The following DPF3 variants were observed in gnomAD, a reference collection of about 807,000 sequenced individuals.
DPF3 encodes zinc finger protein DPF3.
In DPF3, 18 loss-of-function variants were observed where a neutral mutation model predicts 56.8. The observed-to-expected ratio is 0.32, with a 90% CI of 0.22 to 0.47. DPF3 has a LOEUF of 0.47. DPF3 is among the 20% of genes least tolerant of loss of function. DPF3 has a pLI of 1.00. For synonymous variants in DPF3, 188 were observed against 180.2 expected (o/e 1.04, Z -0.35); for missense variants, 403 against 488.8 (o/e 0.82, Z 1.65).
intron 1 of DPF3, chr14:72,879,674 C>T (rs975767638): frequency 8.7e-5 from 104 of 1,194,350 alleles, no homozygotes; most frequent in Non-Finnish European, 1.1e-4. Context: ...ACCGCCTGCC[C>T]AGAGGAGCCA....
intron 1 of DPF3, among the ~76,000 whole-genome samples, chr14:72,857,086 G>A (rs973320248): frequency 3.9e-5 from 6 of 152,210 alleles, no homozygotes; most frequent in Admixed American, 6.5e-5. Context: ...CTAAAGGGGC[G>A]ACCAGGAAGG....
chr14:72,763,955 T>C lies in DPF3; in HGVS notation c.193+7778A>G, dbSNP rs1180876191. Among the ~76,000 whole-genome samples the C allele has an allele frequency of 2.0e-5, 3 of 152,304 alleles. No individual in the cohort carries two copies. The East Asian group carries it at 5.8e-4, about 29-fold the overall frequency. On this transcript the variant is annotated intron_variant, in intron 2 of 10. Transcript: ENST00000556509. Reference sequence around the variant, plus strand: ...TTTACCAAAGAACATATATGGATGGTGTAATATTGTGATATAATGAGAAAT... The same window carrying C: ...TTTACCAAAGAACATATATGGATGGCGTAATATTGTGATATAATGAGAAAT...
intron 4 of DPF3, among the ~76,000 whole-genome samples, chr14:72,725,529 G>A (rs978080425): frequency 1.1e-4 from 17 of 152,088 alleles, no homozygotes; most frequent in Non-Finnish European, 1.6e-4. Context: ...AGAAAGGCCA[G>A]TGTGACCAGT....
intron 4 of DPF3, chr14:72,724,234 T>TTC (rs1034697805): frequency 1.4e-5 from 2 of 146,780 alleles, no homozygotes; most frequent in African/African-American, 5.0e-5. Flanking sequence ...TTTTTTTTCT[T>TTC]TTTTTTTTTT....
chr14:72,810,550 C>T (rs1882996861), intron 1 of DPF3, among the ~76,000 whole-genome samples: 1 of 152,106 alleles, frequency 6.6e-6, no homozygotes, highest in Admixed American at 6.5e-5. Flanking sequence ...GGTGCAGCAG[C>T]TGGGTCTCAC....
intron 3 of DPF3, among the ~76,000 whole-genome samples, chr14:72,744,665 C>T (rs1437054899): frequency 1.3e-5 from 2 of 152,218 alleles, no homozygotes; most frequent in East Asian, 3.9e-4. Context: ...CCTGACACAG[C>T]TCCGCAGACC....
intron 8 of DPF3, among the ~76,000 whole-genome samples, chr14:72,643,849 A>T (rs1479704477): frequency 6.6e-6 from 1 of 152,216 alleles, no homozygotes; most frequent in East Asian, 1.9e-4. Flanking sequence ...GAAAGGAACA[A>T]AAGAGCACAC....
intron 8 of DPF3, among the ~76,000 whole-genome samples, chr14:72,649,889 A>T (rs1885852959): frequency 6.6e-6 from 1 of 152,224 alleles, no homozygotes; most frequent in Non-Finnish European, 1.5e-5. Context: ...CACGTATCTT[A>T]TTCCAACCAA....
chr14:72,692,351 G>C (rs1887726019), intron 7 of DPF3, among the ~76,000 whole-genome samples: 1 of 152,184 alleles, frequency 6.6e-6, no homozygotes, highest in South Asian at 2.1e-4. Flanking sequence ...TGCAGGCCCA[G>C]AGACCATAAG....
At chr14:72,622,276 G>T (rs1884499525) in intron 9 of DPF3, among the ~76,000 whole-genome samples, 1 of 152,040 alleles carries the variant, frequency 6.6e-6, no homozygotes, top group African/African-American at 2.4e-5. Flanking sequence ...GTACACTTGG[G>T]GTACTCCAAC....
Position 72,617,742 on chromosome 14 carries a change from C to T in DPF3, c.*1555G>A, listed in dbSNP as rs927846463. ...CTGCCGAGGGACAGCACAAATACTGCGGCCGGGCAGAGGTGGCCCAACTAG... is the reference window on the plus strand; with the variant it reads ...CTGCCGAGGGACAGCACAAATACTGTGGCCGGGCAGAGGTGGCCCAACTAG... On this transcript the variant is annotated 3_prime_UTR_variant, in exon 11 of 11. Transcript: ENST00000556509. Among the ~76,000 whole-genome samples, 31 of 152,278 alleles carry T rather than the reference C, an allele frequency of 2.0e-4. No homozygotes were observed. Among genetic ancestry groups the T allele is most frequent in the African/African-American group, 7.0e-4 (29 of 41,556 alleles).
intron 4 of DPF3, among the ~76,000 whole-genome samples, chr14:72,728,506 A>G (rs1013630155): frequency 6.6e-5 from 10 of 152,210 alleles, no homozygotes; most frequent in Non-Finnish European, 1.3e-4. Flanking sequence ...GGACACGCCC[A>G]GGAAGGTCAC....
At chr14:72,753,397 TA>T in intron 2 of DPF3, 26 bp from the exon 3 acceptor site, 1 of 1,579,710 alleles carries the variant, frequency 6.3e-7, no homozygotes. Flanking sequence ...ATATAAAGAT[TA>T]AAGGCTCCAG....
chr14:72,642,566 C>A (rs770917002), intron 8 of DPF3, among the ~76,000 whole-genome samples: 1 of 152,172 alleles, frequency 6.6e-6, no homozygotes, highest in Non-Finnish European at 1.5e-5. Flanking sequence ...ATGGGTGTGA[C>A]CCCTCAGCAT....
At chr14:72,624,742 C>T (rs1250849312) in intron 9 of DPF3, among the ~76,000 whole-genome samples, 1 of 151,828 alleles carries the variant, frequency 6.6e-6, no homozygotes, top group East Asian at 1.9e-4. Context: ...TCCTCAGTTT[C>T]TTTGTCTTTC....
chr14:72,880,961 G>T (rs1886300326), intron 1 of DPF3, among the ~76,000 whole-genome samples: 1 of 152,228 alleles, frequency 6.6e-6, no homozygotes, highest in African/African-American at 2.4e-5. Flanking sequence ...AGTAGAGAAG[G>T]CAATTGGTGC....
At chr14:72,879,318 G>T (rs1366292217) in intron 1 of DPF3, among the ~76,000 whole-genome samples, 2 of 151,940 alleles carry the variant, frequency 1.3e-5, no homozygotes, top group African/African-American at 4.8e-5. Flanking sequence ...AGGAGGTGGA[G>T]GTTGCAGTGA....
chr14:72,732,804 CTTTCT>C (rs1318987629), intron 3 of DPF3, among the ~76,000 whole-genome samples: 4 of 152,082 alleles, frequency 2.6e-5, no homozygotes, highest in Non-Finnish European at 5.9e-5. Flanking sequence ...TGGTGTGTTT[CTTTCT>C]TTTCTTTCTT....
At chr14:72,855,499 AATGTATTCCAGAGATATTGG>A (rs1885140313) in intron 1 of DPF3, among the ~76,000 whole-genome samples, 1 of 152,168 alleles carries the variant, frequency 6.6e-6, no homozygotes, top group Non-Finnish European at 1.5e-5. Flanking sequence ...AGTGCATTGA[AATGTATTCCAGAGATATTGG>A]TCTGTAAAGA....
Sources: allele counts gnomAD v4.1 joint callset (sites outside exome capture counted in the v4.1 genomes callset), GRCh38; gene constraint gnomAD v4.1.1; transcripts MANE v1.5; gene names NCBI Gene and HGNC (gene_info 2026-07-23, HGNC 2026-07-21).